Variants in SEMA3D observed in about 807,000 individuals in gnomAD.
SEMA3D encodes the protein semaphorin 3D.
A neutral mutation model predicts 100.1 loss-of-function variants in SEMA3D; 84 were observed. The ratio of observed to expected loss-of-function variants is 0.84; its 90% confidence interval spans 0.70 to 1.01. The LOEUF (loss-of-function observed/expected upper bound fraction) is 1.01, where lower values mean the gene tolerates loss of function less well. SEMA3D is among the 50% of genes least tolerant of loss of function. The pLI, the probability that SEMA3D is intolerant of heterozygous loss-of-function variation, is 0.00. For missense variants in SEMA3D, 875 were observed against 934.1 expected (o/e 0.94, Z 0.82); for synonymous variants, 312 against 320.7 (o/e 0.97, Z 0.29).
At chr7:85,221,379 C>T in the SEMA3D span, among the ~76,000 whole-genome samples, 1 of 152,006 alleles carries the variant, frequency 6.6e-6, no homozygotes, top group Non-Finnish European at 1.5e-5. Flanking sequence ...CACTTTACCA[C>T]TGAGAAAACC....
At chr7:85,182,624 G>A (rs1375569787) in intron 1 of SEMA3D, among the ~76,000 whole-genome samples, 1 of 152,120 alleles carries the variant, frequency 6.6e-6, no homozygotes, top group African/African-American at 2.4e-5. Context: ...GACAGGTATG[G>A]CAAATGTATA....
chr7:85,134,887 A>G (rs1789813866), intron 2 of SEMA3D, among the ~76,000 whole-genome samples: 1 of 152,058 alleles, frequency 6.6e-6, no homozygotes, highest in African/African-American at 2.4e-5. Flanking sequence ...GGACTAAACT[A>G]GAAAGAACTA....
intron 2 of SEMA3D, among the ~76,000 whole-genome samples, chr7:85,145,877 T>G (rs542327203): frequency 2.0e-5 from 3 of 152,204 alleles, no homozygotes; most frequent in African/African-American, 7.2e-5. Context: ...CCTATACATT[T>G]TTTTCTTCTA....
At position 85,015,195 on chromosome 7, in the gene SEMA3D, G is replaced by T; in HGVS notation, c.1567C>A (p.Arg523=). The change falls in exon 16 of 19, where the codon CGA becomes AGA. Residue 523 remains arginine, a synonymous_variant. Coordinates refer to ENST00000284136, the MANE Select transcript of SEMA3D (RefSeq NM_001384900.1). ...LKQQQLYIGS[R]DGLVQLSLHR... ...AAGGAGAGCTGAACCAATCCATCTCGGGAACCAATGTACAATTGTTGCTGC... is the reference window on the plus strand; with the variant it reads ...AAGGAGAGCTGAACCAATCCATCTCTGGAACCAATGTACAATTGTTGCTGC... 1 of 1,609,330 alleles carries T rather than the reference G, an allele frequency of 6.2e-7. No homozygotes were observed. The highest frequency in any genetic ancestry group is 8.5e-7 in the Non-Finnish European group (1 of 1,176,686).
the SEMA3D span, among the ~76,000 whole-genome samples, chr7:85,240,920 G>A: frequency 2.0e-5 from 3 of 151,916 alleles, no homozygotes; most frequent in South Asian, 2.1e-4. Flanking sequence ...CTATTCATCT[G>A]ACAAAGGACT....
the SEMA3D span, among the ~76,000 whole-genome samples, chr7:85,236,303 T>TTATG: frequency 2.7e-5 from 4 of 148,832 alleles, no homozygotes; most frequent in East Asian, 2.0e-4. Context: ...ATTTATTTAT[T>TTATG]TATTTATTTA....
intron 3 of SEMA3D, among the ~76,000 whole-genome samples, chr7:85,101,559 T>C (rs1016931728): frequency 6.6e-6 from 1 of 151,974 alleles, no homozygotes; most frequent in Non-Finnish European, 1.5e-5. Flanking sequence ...GGAAATGATG[T>C]GATAAGCCAT....
the SEMA3D span, among the ~76,000 whole-genome samples, chr7:85,229,902 T>C: frequency 2.0e-5 from 3 of 152,178 alleles, no homozygotes; most frequent in Non-Finnish European, 4.4e-5. Flanking sequence ...TAAGCTCCAA[T>C]GTACTTCTGC....
At chr7:85,043,923 G>T (rs983957892) in intron 9 of SEMA3D, among the ~76,000 whole-genome samples, 1 of 151,938 alleles carries the variant, frequency 6.6e-6, no homozygotes, top group African/African-American at 2.4e-5. Flanking sequence ...TATCAGAAGC[G>T]TGAAAACAGA....
At chr7:85,083,793 G>A (rs1788135336) in intron 4 of SEMA3D, among the ~76,000 whole-genome samples, 1 of 148,528 alleles carries the variant, frequency 6.7e-6, no homozygotes, top group Non-Finnish European at 1.5e-5. Context: ...CTTGCAGTGA[G>A]CCGAGATCGC....
intron 3 of SEMA3D, among the ~76,000 whole-genome samples, chr7:85,112,716 C>T (rs1789127071): frequency 6.6e-6 from 1 of 152,088 alleles, no homozygotes; most frequent in South Asian, 2.1e-4. Context: ...TGTTGTGAGA[C>T]TTATACATGA....
At chr7:85,039,612 A>G (rs1790798032) in intron 11 of SEMA3D, among the ~76,000 whole-genome samples, 1 of 152,184 alleles carries the variant, frequency 6.6e-6, no homozygotes, top group African/African-American at 2.4e-5. Flanking sequence ...AAGTACAGGA[A>G]AGCATTATGC....
chr7:85,236,237 C>T, the SEMA3D span, among the ~76,000 whole-genome samples: 2 of 151,126 alleles, frequency 1.3e-5, no homozygotes, highest in Admixed American at 6.6e-5. Flanking sequence ...TATTAAAACA[C>T]TTGCATTTGT....
intron 17 of SEMA3D, 37 bp from the exon 18 acceptor site, chr7:85,006,978 C>T (rs767798532): frequency 1.3e-6 from 2 of 1,564,918 alleles, no homozygotes; most frequent in Non-Finnish European, 1.7e-6. Context: ...TTAACCTTGA[C>T]CTGATTTTAA....
intron 1 of SEMA3D, among the ~76,000 whole-genome samples, chr7:85,154,564 A>G (rs1334995738): frequency 6.6e-6 from 1 of 152,134 alleles, no homozygotes; most frequent in Non-Finnish European, 1.5e-5. Context: ...ATGAACATGT[A>G]TGAAATGCAC....
the SEMA3D span, among the ~76,000 whole-genome samples, chr7:85,216,424 G>T: frequency 6.6e-6 from 1 of 151,202 alleles, no homozygotes; most frequent in Non-Finnish European, 1.5e-5. Context: ...TGGCAGAATT[G>T]TTTTGGGCAA....
At chr7:85,200,192 T>C in the SEMA3D span, among the ~76,000 whole-genome samples, 1 of 152,148 alleles carries the variant, frequency 6.6e-6, no homozygotes, top group African/African-American at 2.4e-5. Context: ...TACTAAAAAA[T>C]GTGGGAGTGA....
At position 85,089,436 on chromosome 7, in the gene SEMA3D, C is replaced by T. The variant is rs186694759; in HGVS notation, c.313-7857G>A. 4.4e-3 allele frequency among the ~76,000 whole-genome samples: 612 copies of T among 138,022 alleles called. 5 individuals carry two copies. Among genetic ancestry groups the T allele is most frequent in the African/African-American group, 0.017 (582 of 33,380 alleles). The allele number at this position is 138,022 out of a possible 152,430, so 90.5% of individuals were successfully genotyped here. ...CCACACATTTTTTAACATAATACTTCGCAATAAGTGCTATTTTGTTTCCTT... is the reference window on the plus strand; with the variant it reads ...CCACACATTTTTTAACATAATACTTTGCAATAAGTGCTATTTTGTTTCCTT... On this transcript the variant is annotated intron_variant, in intron 4 of 18. Transcript: ENST00000284136.
intron 2 of SEMA3D, among the ~76,000 whole-genome samples, chr7:85,146,260 A>G (rs771009413): frequency 1.3e-5 from 2 of 152,150 alleles, no homozygotes; most frequent in Non-Finnish European, 2.9e-5. Context: ...CACTTTTACT[A>G]GTAAAAATCC....
Sources: allele counts gnomAD v4.1 joint callset (sites outside exome capture counted in the v4.1 genomes callset), GRCh38; gene constraint gnomAD v4.1.1; transcripts MANE v1.5; gene names NCBI Gene and HGNC (gene_info 2026-07-23, HGNC 2026-07-21).